The following LHFPL2 variants were observed in gnomAD, a reference collection of about 807,000 sequenced individuals.
LHFPL2 encodes LHFPL tetraspan subfamily member 2 protein.
A neutral mutation model predicts 17.5 loss-of-function variants in LHFPL2; 7 were observed. The observed-to-expected ratio is 0.40, with a 90% CI of 0.23 to 0.75. The LOEUF (loss-of-function observed/expected upper bound fraction) is 0.75. Ranked by LOEUF, LHFPL2 falls within the 30% of genes least tolerant of loss-of-function variation. The probability of loss-of-function intolerance (pLI) is 0.37; values close to 1 mark genes in which losing one functional copy is unlikely to be tolerated. For synonymous variants in LHFPL2, 134 were observed against 116.2 expected, an observed-to-expected ratio of 1.15 and a Z score of -0.99; for missense variants, 241 against 294.8, an observed-to-expected ratio of 0.82 and a Z score of 1.34.
intron 4 of LHFPL2, among the ~76,000 whole-genome samples, chr5:78,502,840 G>A (rs547679897): frequency 6.6e-6 from 1 of 152,238 alleles, no homozygotes; most frequent in East Asian, 1.9e-4. Context: ...CCCTGAACGT[G>A]GCCTCTGTCA....
At chr5:78,582,195 G>A (rs1187026282) in intron 2 of LHFPL2, among the ~76,000 whole-genome samples, 1 of 152,008 alleles carries the variant, frequency 6.6e-6, no homozygotes, top group Non-Finnish European at 1.5e-5. Flanking sequence ...TATTAGTCTT[G>A]CTAGCAGTTT....
chr5:78,526,694 AC>A (rs1353335619), intron 3 of LHFPL2, among the ~76,000 whole-genome samples: 1 of 152,222 alleles, frequency 6.6e-6, no homozygotes, highest in Non-Finnish European at 1.5e-5. Flanking sequence ...TTGGGTCCAC[AC>A]AAAAACCCAG....
At chr5:78,568,432 G>A (rs1756914458) in intron 2 of LHFPL2, among the ~76,000 whole-genome samples, 1 of 152,116 alleles carries the variant, frequency 6.6e-6, no homozygotes, top group Non-Finnish European at 1.5e-5. Flanking sequence ...AGAGAACACG[G>A]CCCCCACGTG....
At chr5:78,612,063 A>G (rs1744440215) in intron 2 of LHFPL2, among the ~76,000 whole-genome samples, 1 of 152,230 alleles carries the variant, frequency 6.6e-6, no homozygotes, top group African/African-American at 2.4e-5. Context: ...ACAAAAGAGA[A>G]TAGGAAGAGA....
At chr5:78,642,318 C>T (rs935589376) in intron 1 of LHFPL2, among the ~76,000 whole-genome samples, 13 of 152,180 alleles carry the variant, frequency 8.5e-5, no homozygotes, top group African/African-American at 2.2e-4. Flanking sequence ...TTAACAGACA[C>T]GTGTATGGTA....
chr5:78,554,755 T>C (rs964728706), intron 3 of LHFPL2, among the ~76,000 whole-genome samples: 2 of 152,234 alleles, frequency 1.3e-5, no homozygotes, highest in East Asian at 3.8e-4. Context: ...CCTCAGGAAG[T>C]GAACTGAGCT....
At chr5:78,628,436 TG>T (rs1745133969) in intron 2 of LHFPL2, among the ~76,000 whole-genome samples, 1 of 152,152 alleles carries the variant, frequency 6.6e-6, no homozygotes, top group Non-Finnish European at 1.5e-5. Flanking sequence ...TCCCCCAGGG[TG>T]GGGTCACAAT....
intron 2 of LHFPL2, among the ~76,000 whole-genome samples, chr5:78,616,338 A>C (rs1239666528): frequency 6.6e-6 from 1 of 152,120 alleles, no homozygotes; most frequent in Non-Finnish European, 1.5e-5. Context: ...CGTGTTAGCC[A>C]GGATGATCTC....
chr5:78,539,155 G>T (rs1341780057), intron 3 of LHFPL2, among the ~76,000 whole-genome samples: 2 of 152,168 alleles, frequency 1.3e-5, no homozygotes, highest in Admixed American at 6.5e-5. Context: ...AGGGCTTGGG[G>T]TTGAAGGGAG....
At chr5:78,571,223 C>CT (rs1236178680) in intron 2 of LHFPL2, among the ~76,000 whole-genome samples, 3 of 152,146 alleles carry the variant, frequency 2.0e-5, no homozygotes, top group African/African-American at 7.2e-5. Flanking sequence ...TGCTCCTCTC[C>CT]TTTTTTTGGC....
chr5:78,591,400 C>G (rs1743622417), intron 2 of LHFPL2, among the ~76,000 whole-genome samples: 1 of 152,146 alleles, frequency 6.6e-6, no homozygotes, highest in Non-Finnish European at 1.5e-5. Context: ...TAATGAGTCA[C>G]TAAACAAAAG....
intron 2 of LHFPL2, chr5:78,625,548 G>C (rs577804721): frequency 1.3e-5 from 2 of 152,252 alleles, no homozygotes; most frequent in South Asian, 4.1e-4. Flanking sequence ...ACTTTAAGGA[G>C]CCAGTTTGAT....
At chr5:78,532,335 C>A (rs1165567705) in intron 3 of LHFPL2, among the ~76,000 whole-genome samples, 1 of 152,204 alleles carries the variant, frequency 6.6e-6, no homozygotes, top group African/African-American at 2.4e-5. Flanking sequence ...CCTGGGACTA[C>A]AGACATGAGC....
intron 4 of LHFPL2, among the ~76,000 whole-genome samples, chr5:78,504,251 C>T (rs1175098686): frequency 6.6e-6 from 1 of 152,194 alleles, no homozygotes; most frequent in Non-Finnish European, 1.5e-5. Context: ...TCTCCCCATG[C>T]CTCTTTGAGG....
chr5:78,586,008 GT>G (rs1239831139), intron 2 of LHFPL2, among the ~76,000 whole-genome samples: 1 of 152,166 alleles, frequency 6.6e-6, no homozygotes, highest in Non-Finnish European at 1.5e-5. Flanking sequence ...TAAATACATG[GT>G]TCACGTCTCT....
chr5:78,584,573 G>C (rs1197016958), intron 2 of LHFPL2, among the ~76,000 whole-genome samples: 1 of 152,120 alleles, frequency 6.6e-6, no homozygotes, highest in Non-Finnish European at 1.5e-5. Flanking sequence ...CTGCTGGGGG[G>C]GTGCCTCCCA....
intron 3 of LHFPL2, among the ~76,000 whole-genome samples, chr5:78,548,331 C>G (rs1311622270): frequency 1.3e-5 from 2 of 152,198 alleles, no homozygotes; most frequent in Admixed American, 1.3e-4. Flanking sequence ...TGGTGCTGGC[C>G]CAGGCCCAGT....
In LHFPL2 at chr5:78,510,987, T is replaced by C. The variant is rs996771749; in HGVS notation, c.-185-589A>G. Among the ~76,000 whole-genome samples the C allele has an allele frequency of 3.3e-5, 5 of 152,022 alleles. No individual in the cohort carries two copies. In the East Asian group the frequency reaches 9.6e-4, roughly 29 times the overall value. On this transcript the variant is annotated intron_variant, in intron 3 of 4. Coordinates refer to ENST00000380345, the MANE Select transcript of LHFPL2 (RefSeq NM_005779.3). ...TAAGTGTGTTTGCTTCATAGGTAAA[T>C]AGGAAAGAATCACATGTAAAAGAAT...
intron 2 of LHFPL2, among the ~76,000 whole-genome samples, chr5:78,576,925 A>G (rs1681837675): frequency 1.3e-5 from 2 of 152,232 alleles, no homozygotes; most frequent in South Asian, 4.1e-4. Context: ...AGCAAACTTG[A>G]TCATTGGCAA....
Sources: gnomAD v4.1 joint callset for allele counts (sites outside exome capture counted in the v4.1 genomes callset) on GRCh38, gnomAD v4.1.1 for gene constraint, MANE v1.5 for transcripts, NCBI Gene and HGNC (gene_info 2026-07-23, HGNC 2026-07-21) for gene names.